Variants in AATF observed in about 807,000 individuals in gnomAD.
The protein encoded by AATF is apoptosis antagonizing transcription factor, also known as protein AATF.
Under a neutral mutation model 63.7 loss-of-function variants are expected in AATF, and 48 were observed. The ratio of observed to expected loss-of-function variants is 0.75; its 90% confidence interval spans 0.60 to 0.96. AATF has a LOEUF of 0.96. Among genes scored for constraint, AATF ranks in the 40% least tolerant of loss-of-function variants. The pLI, the probability that AATF is intolerant of heterozygous loss-of-function variation, is 0.00. For synonymous variants in AATF, 258 were observed against 247.7 expected, an observed-to-expected ratio of 1.04 and a Z score of -0.39; for missense variants, 639 against 685.7, an observed-to-expected ratio of 0.93 and a Z score of 0.76.
chr17:37,042,842 C>T (rs556761945), intron 11 of AATF, among the ~76,000 whole-genome samples: 3 of 150,270 alleles, frequency 2.0e-5, no homozygotes, highest in Admixed American at 1.3e-4. Context: ...CCCGGGTTCA[C>T]GCCATTCTTC....
chr17:37,003,555 C>T (rs941190470), intron 8 of AATF, among the ~76,000 whole-genome samples: 5 of 148,704 alleles, frequency 3.4e-5, no homozygotes, highest in Non-Finnish European at 7.4e-5. Flanking sequence ...AAACTTCTGC[C>T]TCCCAGGCTC....
intron 8 of AATF, among the ~76,000 whole-genome samples, chr17:37,005,759 C>T (rs564764108): frequency 4.6e-5 from 7 of 152,198 alleles, no homozygotes; most frequent in African/African-American, 1.7e-4. Context: ...GACCAATGGG[C>T]AGAATTTTTG....
intron 4 of AATF, among the ~76,000 whole-genome samples, chr17:36,963,202 C>T (rs1328035214): frequency 6.6e-6 from 1 of 152,148 alleles, no homozygotes; most frequent in East Asian, 1.9e-4. Context: ...ATTCAGTGAG[C>T]GTAGGGTATG....
intron 11 of AATF, among the ~76,000 whole-genome samples, chr17:37,042,673 C>T (rs1439214701): frequency 6.6e-6 from 1 of 151,452 alleles, no homozygotes; most frequent in Non-Finnish European, 1.5e-5. Flanking sequence ...CCACCTTGGC[C>T]TCCCAAAGTG....
chr17:37,047,217 G>A (rs563449120), intron 11 of AATF, among the ~76,000 whole-genome samples: 3 of 152,262 alleles, frequency 2.0e-5, no homozygotes, highest in East Asian at 1.9e-4. Context: ...ACATCATCCC[G>A]GGAATATGGA....
At chr17:36,960,222 C>G (rs573357272) in intron 4 of AATF, among the ~76,000 whole-genome samples, 1 of 152,132 alleles carries the variant, frequency 6.6e-6, no homozygotes, top group African/African-American at 2.4e-5. Context: ...CCATATTGGC[C>G]AGGCCGGTCT....
At chr17:37,024,331 A>G (rs1205923033) in intron 10 of AATF, among the ~76,000 whole-genome samples, 1 of 152,226 alleles carries the variant, frequency 6.6e-6, no homozygotes, top group African/African-American at 2.4e-5. Context: ...AATGTGTACA[A>G]AAAGGTTTGT....
At chr17:37,048,363 C>CA (rs2071713107) in intron 11 of AATF, among the ~76,000 whole-genome samples, 2 of 70,842 alleles carry the variant, frequency 2.8e-5, no homozygotes, top group Non-Finnish European at 5.4e-5. Context: ...TTTTTCTTTT[C>CA]TTTTTTTTTT....
Position 36,988,548 on chromosome 17 carries a change from T to G in AATF, c.977T>G (p.Leu326Arg). ...GAGATTTCTAGTGAAGATGATGAGC[T>G]GGTAGAAGAGAAGAAGCAGCAACGA... ...SEEISSEDDELVEEKKQQRRR... is the reference protein window; with the variant it reads ...SEEISSEDDERVEEKKQQRRR... The change falls in exon 6 of 12, where the codon CTG becomes CGG. Residue 326 changes from leucine (L) to arginine (R), a missense_variant. Leu to Arg is a moderately radical substitution (Grantham distance 102). Transcript: ENST00000619387. 6.2e-7 allele frequency: 1 copy of G among 1,614,072 alleles called. No homozygotes were observed.
intron 8 of AATF, among the ~76,000 whole-genome samples, chr17:37,002,638 G>C (rs1467384817): frequency 2.0e-5 from 3 of 151,416 alleles, no homozygotes; most frequent in East Asian, 1.9e-4. Flanking sequence ...CGCCACTGCA[G>C]TCCAGCCTGG....
intron 7 of AATF, among the ~76,000 whole-genome samples, chr17:36,989,709 G>C (rs1197362696): frequency 2.0e-5 from 3 of 152,154 alleles, no homozygotes; most frequent in Non-Finnish European, 4.4e-5. Flanking sequence ...AGCTACTTCT[G>C]TAGAAATGTC....
At chr17:36,979,874 A>G (rs2071107871) in intron 4 of AATF, among the ~76,000 whole-genome samples, 1 of 152,152 alleles carries the variant, frequency 6.6e-6, no homozygotes, top group Non-Finnish European at 1.5e-5. Context: ...GTTAGGTGAA[A>G]ATGGTTTTTA....
intron 4 of AATF, among the ~76,000 whole-genome samples, chr17:36,978,470 A>G (rs1291687379): frequency 6.6e-6 from 1 of 152,052 alleles, no homozygotes. Flanking sequence ...CTTAGCCTTC[A>G]TGATTTTAGA....
At chr17:36,965,149 C>CA (rs1248913008) in intron 4 of AATF, among the ~76,000 whole-genome samples, 1 of 152,310 alleles carries the variant, frequency 6.6e-6, no homozygotes, top group East Asian at 1.9e-4. Context: ...GCTGCTGTAA[C>CA]AAATTACCGC....
At chr17:36,958,483 C>G (rs1427699518) in intron 4 of AATF, among the ~76,000 whole-genome samples, 2 of 151,996 alleles carry the variant, frequency 1.3e-5, no homozygotes, top group Admixed American at 1.3e-4. Context: ...TTTAGAATTT[C>G]TACTGTATTA....
chr17:37,012,479 G>T (rs2071399648), intron 8 of AATF, among the ~76,000 whole-genome samples: 2 of 152,248 alleles, frequency 1.3e-5, no homozygotes, highest in African/African-American at 4.8e-5. Context: ...TTCACAGGAA[G>T]AGTAAACCCA....
chr17:36,956,896 G>C (rs1361693331), intron 4 of AATF, among the ~76,000 whole-genome samples: 2 of 152,054 alleles, frequency 1.3e-5, no homozygotes, highest in Non-Finnish European at 2.9e-5. Context: ...AGAATCACTT[G>C]AACCCGGGAG....
intron 8 of AATF, among the ~76,000 whole-genome samples, chr17:36,992,464 A>G (rs1246088578): frequency 6.6e-6 from 1 of 152,190 alleles, no homozygotes; most frequent in Admixed American, 6.5e-5. Flanking sequence ...TAATTGTGTG[A>G]GATCACGGGA....
At chr17:37,049,604 CAAAAA>C (rs773061471) in intron 11 of AATF, among the ~76,000 whole-genome samples, 1 of 63,178 alleles carries the variant, frequency 1.6e-5, no homozygotes, top group Non-Finnish European at 3.4e-5. Flanking sequence ...GACTCCGTCT[CAAAAA>C]AAAAAAAAAA....
Sources: gnomAD v4.1 joint callset for allele counts (sites outside exome capture counted in the v4.1 genomes callset) on GRCh38, gnomAD v4.1.1 for gene constraint, MANE v1.5 for transcripts, NCBI Gene and HGNC (gene_info 2026-07-23, HGNC 2026-07-21) for gene names.